The following FLYWCH2 variants were observed in gnomAD, a reference collection of about 807,000 sequenced individuals.
FLYWCH2 encodes FLYWCH family member 2.
FLYWCH2 carries 2 observed loss-of-function variants against 6.0 expected under a neutral mutation model. That is an observed-to-expected ratio of 0.33 (90% CI 0.14 to 1.04). FLYWCH2 has a LOEUF of 1.04. Among genes scored for constraint, FLYWCH2 ranks in the 50% least tolerant of loss-of-function variants. The pLI is 0.45. For missense variants in FLYWCH2, 192 were observed against 183.4 expected (o/e 1.05, Z -0.27); for synonymous variants, 87 against 79.3 (o/e 1.10, Z -0.52).
At chr16:2,888,840 T>A (rs1282739548) in intron 1 of FLYWCH2, among the ~76,000 whole-genome samples, 1 of 152,126 alleles carries the variant, frequency 6.6e-6, no homozygotes, top group East Asian at 1.9e-4. Flanking sequence ...TGCAGCTTCA[T>A]GAGCTAGAGC....
chr16:2,891,463 G>T (rs1347458299), intron 1 of FLYWCH2, among the ~76,000 whole-genome samples: 1 of 151,770 alleles, frequency 6.6e-6, no homozygotes, highest in East Asian at 2.0e-4. Context: ...GGAGTGCGGT[G>T]GCGCGATATC....
intron 1 of FLYWCH2, among the ~76,000 whole-genome samples, chr16:2,894,057 T>C (rs1036098835): frequency 2.0e-5 from 3 of 152,036 alleles, no homozygotes; most frequent in Non-Finnish European, 2.9e-5. Context: ...TGCGGTTTTG[T>C]CATTGAAAGC....
At chr16:2,885,319 A>AAAAAC (rs1215443024) in intron 1 of FLYWCH2, among the ~76,000 whole-genome samples, 1 of 92,984 alleles carries the variant, frequency 1.1e-5, no homozygotes, top group African/African-American at 4.4e-5. Context: ...TCCGTCTCAA[A>AAAAAC]AAAACAAAAC....
At chr16:2,889,806 C>G (rs1388775977) in intron 1 of FLYWCH2, among the ~76,000 whole-genome samples, 1 of 152,130 alleles carries the variant, frequency 6.6e-6, no homozygotes, top group African/African-American at 2.4e-5. Context: ...GACTACAGAA[C>G]TGGGCACAGT....
At chr16:2,890,739 A>G (rs1022417516) in intron 1 of FLYWCH2, among the ~76,000 whole-genome samples, 28 of 151,988 alleles carry the variant, frequency 1.8e-4, no homozygotes, top group African/African-American at 6.3e-4. Context: ...ACTAATTTTT[A>G]TATTTTTACT....
Position 2,896,369 on chromosome 16 carries a change from C to G in FLYWCH2, c.-81C>G. The stretch of plus-strand genomic sequence containing the variant: ...TTCCTTAGGACGGAACCGCTGGACT[C>G]CAGGTTCCTTGCCTGGGAGTAGGAG... On this transcript the variant is annotated 5_prime_UTR_variant, in exon 3 of 4. Coordinates refer to ENST00000396958, the MANE Select transcript of FLYWCH2 (RefSeq NM_138439.3). The G allele has an allele frequency of 2.0e-6, 3 of 1,489,280 alleles. No individual in the cohort carries two copies. Among genetic ancestry groups the G allele is most frequent in the Non-Finnish European group, 2.7e-6 (3 of 1,122,666 alleles). The allele number at this position is 1,489,280 out of a possible 1,614,324, so 92.3% of individuals were successfully genotyped here. A position where few individuals can be genotyped will look rare whatever the true frequency, so the allele number is the denominator to read the frequency against.
chr16:2,893,544 A>T (rs2150848422), intron 1 of FLYWCH2, among the ~76,000 whole-genome samples: 1 of 151,656 alleles, frequency 6.6e-6, no homozygotes, highest in Non-Finnish European at 1.5e-5. Flanking sequence ...TTGGAGAATT[A>T]GTCAATAGTT....
At chr16:2,890,789 C>A (rs1212264592) in intron 1 of FLYWCH2, among the ~76,000 whole-genome samples, 1 of 152,020 alleles carries the variant, frequency 6.6e-6, no homozygotes, top group Non-Finnish European at 1.5e-5. Flanking sequence ...CTGATCTTGA[C>A]CTCTTGACCT....
intron 1 of FLYWCH2, among the ~76,000 whole-genome samples, chr16:2,884,468 A>T (rs566576153): frequency 2.5e-4 from 36 of 145,450 alleles, no homozygotes; most frequent in African/African-American, 9.1e-4. Flanking sequence ...CACGCCTGTA[A>T]TCCTAGCACT....
At chr16:2,898,691 G>A in intron 3 of FLYWCH2, 1 of 206,512 alleles carries the variant, frequency 4.8e-6, no homozygotes, top group East Asian at 1.2e-4. Context: ...GGCTCCATCA[G>A]GCGCCAGGGG....
chr16:2,897,068 G>GC lies in FLYWCH2; in HGVS notation c.322+299dup, dbSNP rs1196954649. 4.6e-5 allele frequency among the ~76,000 whole-genome samples: 7 copies of GC among 152,334 alleles called. No homozygotes were observed. In the South Asian group the frequency reaches 1.4e-3, roughly 32 times the overall value. On this transcript the variant is annotated intron_variant, in intron 3 of 3. Coordinates refer to ENST00000396958, the MANE Select transcript of FLYWCH2 (RefSeq NM_138439.3). ...GGTGCGGCGGGGCCCACAGGCAGCT[G>GC]CCGTCAGCTTCAAGGTCTTGGCTCG...
intron 3 of FLYWCH2, among the ~76,000 whole-genome samples, chr16:2,897,174 A>C (rs1178423751): frequency 6.6e-6 from 1 of 151,926 alleles, no homozygotes; most frequent in African/African-American, 2.4e-5. Flanking sequence ...CTTTGGTCTC[A>C]CTCACCGTTC....
chr16:2,896,493 A>G lies in FLYWCH2; in HGVS notation c.44A>G (p.Lys15Arg). 1 of 1,613,954 alleles carries G rather than the reference A, an allele frequency of 6.2e-7. No homozygotes were observed. The highest frequency in any genetic ancestry group is 8.5e-7 in the Non-Finnish European group (1 of 1,179,942). ...EPSEQEGESV[K>R]ASQEPSPKPG... The stretch of plus-strand genomic sequence containing the variant: ...AGCGAGCAGGAGGGTGAGAGTGTGA[A>G]GGCCAGCCAGGAGCCATCCCCCAAG... Residue 15 changes from lysine (K) to arginine (R), a missense_variant, in exon 3 of 4, where the codon AAG becomes AGG. Physicochemically the swap from Lys to Arg is conservative, Grantham distance 26 (BLOSUM62 2). Coordinates refer to ENST00000396958, the MANE Select transcript of FLYWCH2 (RefSeq NM_138439.3).
rs573945966 is a variant in FLYWCH2, at chr16:2,890,234, T to G, written c.-199-4986T>G. 1.2e-3 allele frequency among the ~76,000 whole-genome samples: 178 copies of G among 145,140 alleles called. 1 individual carries two copies. The highest frequency in any genetic ancestry group is 3.9e-3 in the East Asian group (20 of 5,178). On this transcript the variant is annotated intron_variant, in intron 1 of 3. Coordinates refer to ENST00000396958, the MANE Select transcript of FLYWCH2 (RefSeq NM_138439.3). ...TGTGTGTTTTTTTGTTTTTGTTTTT[T>G]TTTTTTTGTTTTTGTTGTTTTTTGG...
At chr16:2,890,777 G>A (rs913502443) in intron 1 of FLYWCH2, among the ~76,000 whole-genome samples, 5 of 151,996 alleles carry the variant, frequency 3.3e-5, no homozygotes, top group African/African-American at 1.2e-4. Context: ...ATGTTAGCCA[G>A]GCTGATCTTG....
At chr16:2,886,073 A>G (rs1214438177) in intron 1 of FLYWCH2, among the ~76,000 whole-genome samples, 1 of 151,962 alleles carries the variant, frequency 6.6e-6, no homozygotes. Flanking sequence ...TTTGATTTGC[A>G]TTTCCCTGGT....
Position 2,883,219 on chromosome 16 carries a change from G to A in FLYWCH2, c.-347G>A, listed in dbSNP as rs1363681168. 1.3e-5 allele frequency: 2 copies of A among 152,314 alleles called. No individual in the cohort carries two copies. Among genetic ancestry groups the A allele is most frequent in the African/African-American group, 4.8e-5 (2 of 41,478 alleles). 9.4% of individuals were successfully genotyped at this position (152,314 alleles called of 1,614,324 possible). ...CGCGGAGGAGCGGCCCCAGCCAGAA[G>A]ACAGGGCACCCGCGGCCTTGCTGCG... On this transcript the variant is annotated 5_prime_UTR_variant, in exon 1 of 4. Coordinates refer to ENST00000396958, the MANE Select transcript of FLYWCH2 (RefSeq NM_138439.3).
intron 1 of FLYWCH2, among the ~76,000 whole-genome samples, chr16:2,891,409 AT>A (rs1253353717): frequency 6.6e-6 from 1 of 151,468 alleles, no homozygotes; most frequent in East Asian, 1.9e-4. Context: ...TTTTTATTTT[AT>A]TTATTTTTTT....
chr16:2,887,313 C>T lies in FLYWCH2; in HGVS notation c.-200+3947C>T, dbSNP rs112156039. 7.9e-3 allele frequency among the ~76,000 whole-genome samples: 570 copies of T among 72,332 alleles called. 16 individuals are homozygous for T. Among genetic ancestry groups the T allele is most frequent in the Middle Eastern group, 0.022 (3 of 138 alleles). 47.5% of individuals were successfully genotyped at this position (72,332 alleles called of 152,430 possible). The stretch of plus-strand genomic sequence containing the variant: ...GGTGCACACCACCATGCCCGGCTTT[C>T]TTTTTTTTTTTTTTTTTTTGTATTT... On this transcript the variant is annotated intron_variant, in intron 1 of 3. Transcript: ENST00000396958.
Sources: gnomAD v4.1 joint callset for allele counts (sites outside exome capture counted in the v4.1 genomes callset) on GRCh38, gnomAD v4.1.1 for gene constraint, MANE v1.5 for transcripts, NCBI Gene and HGNC (gene_info 2026-07-23, HGNC 2026-07-21) for gene names.